The following STAG1 variants were observed in gnomAD, a reference collection of about 807,000 sequenced individuals.
The protein encoded by STAG1 is STAG1 cohesin complex component, also known as cohesin subunit SA-1.
A neutral mutation model predicts 170.9 loss-of-function variants in STAG1; 26 were observed. The observed-to-expected ratio is 0.15, with a 90% confidence interval of 0.11 to 0.21. The LOEUF (loss-of-function observed/expected upper bound fraction) is 0.21, where lower values mean the gene tolerates loss of function less well. STAG1 is among the 10% of genes least tolerant of loss of function. STAG1 has a pLI of 1.00. For missense variants in STAG1, 964 were observed against 1,509.5 expected (o/e 0.64, Z 5.99); for synonymous variants, 514 against 497.7 (o/e 1.03, Z -0.44).
chr3:136,739,956 G>C (rs1202254154), intron 1 of STAG1, among the ~76,000 whole-genome samples: 1 of 152,114 alleles, frequency 6.6e-6, no homozygotes, highest in Non-Finnish European at 1.5e-5. Flanking sequence ...CAACGGGATA[G>C]ATACAGAGGA....
At chr3:136,611,154 T>A (rs1939255006) in intron 3 of STAG1, among the ~76,000 whole-genome samples, 2 of 151,942 alleles carry the variant, frequency 1.3e-5, no homozygotes, top group South Asian at 4.2e-4. Context: ...TTTTACATAA[T>A]TTTTTTTTCT....
At chr3:136,609,370 AATAT>A (rs1218040557) in intron 3 of STAG1, 1 of 146,478 alleles carries the variant, frequency 6.8e-6, no homozygotes, top group South Asian at 2.1e-4. Flanking sequence ...TTTGTATATA[AATAT>A]ATATTTGTAT....
chr3:136,473,729 T>C (rs2089678661), intron 10 of STAG1, 92 bp from the exon 11 acceptor site: 8 of 854,694 alleles, frequency 9.4e-6, no homozygotes, highest in Non-Finnish European at 1.5e-5. Flanking sequence ...AGCTTAAACA[T>C]TTGACTTACT....
chr3:136,360,258 T>C (rs967981999), intron 26 of STAG1, among the ~76,000 whole-genome samples: 2 of 152,218 alleles, frequency 1.3e-5, no homozygotes, highest in Non-Finnish European at 2.9e-5. Flanking sequence ...CCCTCCTATG[T>C]ATTAGATAAG....
intron 1 of STAG1, among the ~76,000 whole-genome samples, chr3:136,719,539 G>T (rs1933083743): frequency 6.6e-6 from 1 of 150,710 alleles, no homozygotes; most frequent in South Asian, 2.1e-4. Context: ...AGGAAAAACA[G>T]AAAAGCAAGG....
chr3:136,631,497 G>T (rs1057324683), intron 1 of STAG1, among the ~76,000 whole-genome samples: 1 of 152,122 alleles, frequency 6.6e-6, no homozygotes, highest in Non-Finnish European at 1.5e-5. Flanking sequence ...AAAACAGCAG[G>T]AGTCCAAAAA....
At chr3:136,628,861 A>C (rs978546914) in intron 2 of STAG1, among the ~76,000 whole-genome samples, 10 of 152,250 alleles carry the variant, frequency 6.6e-5, no homozygotes, top group Admixed American at 5.2e-4. Context: ...AGTAAACAGC[A>C]CTAAGGTGAC....
chr3:136,463,903 A>G (rs1479807666), intron 13 of STAG1, among the ~76,000 whole-genome samples: 2 of 147,630 alleles, frequency 1.4e-5, no homozygotes, highest in Non-Finnish European at 3.0e-5. Flanking sequence ...ATACATATAT[A>G]CTTACATATA....
intron 1 of STAG1, among the ~76,000 whole-genome samples, chr3:136,701,982 A>G (rs971132088): frequency 1.1e-4 from 16 of 151,314 alleles, no homozygotes; most frequent in South Asian, 2.1e-4. Context: ...TTTTGAGGTA[A>G]GCTCACAGCA....
intron 25 of STAG1, among the ~76,000 whole-genome samples, chr3:136,364,198 T>C (rs1250684599): frequency 6.6e-6 from 1 of 152,138 alleles, no homozygotes; most frequent in Non-Finnish European, 1.5e-5. Context: ...TTCTCCCACC[T>C]CAGCCTCCCA....
At chr3:136,705,374 ATCAAACAC>A (rs1943198851) in intron 1 of STAG1, among the ~76,000 whole-genome samples, 1 of 119,574 alleles carries the variant, frequency 8.4e-6, no homozygotes, top group South Asian at 2.7e-4. Flanking sequence ...TCACATGATC[ATCAAACAC>A]ACACACACAC....
At chr3:136,702,115 G>GACAGAGAGAC (rs576739895) in intron 1 of STAG1, among the ~76,000 whole-genome samples, 11 of 66,402 alleles carry the variant, frequency 1.7e-4, no homozygotes, top group Non-Finnish European at 3.3e-4. Context: ...GAGAGAGAGA[G>GACAGAGAGAC]AGAGAGACAG....
In STAG1 at chr3:136,486,879, A is replaced by G. The variant is rs778101310; in HGVS notation, c.903-9467T>C. Among the ~76,000 whole-genome samples, 3 of 151,894 alleles carry G rather than the reference A, an allele frequency of 2.0e-5. No individual in the cohort carries two copies. The South Asian group carries it at 6.3e-4, about 32-fold the overall frequency. ...CCTGTTCAAAACATTTTTTACACCC[A>G]TATCTACATCTATGCCTAATTTCTA... On this transcript the variant is annotated intron_variant, in intron 9 of 33. Transcript: ENST00000383202.
chr3:136,360,550 T>C (rs1252126686), intron 26 of STAG1, among the ~76,000 whole-genome samples: 2 of 152,224 alleles, frequency 1.3e-5, no homozygotes, highest in Admixed American at 6.5e-5. Context: ...TCCTGGGTGC[T>C]AATATGTTCT....
chr3:136,477,014 T>C (rs928213332), intron 10 of STAG1, among the ~76,000 whole-genome samples: 1 of 152,182 alleles, frequency 6.6e-6, no homozygotes, highest in Non-Finnish European at 1.5e-5. Context: ...AGAAAAAGAA[T>C]ATAATGATTT....
At chr3:136,723,848 C>G in intron 1 of STAG1, among the ~76,000 whole-genome samples, 1 of 143,712 alleles carries the variant, frequency 7.0e-6, no homozygotes, top group South Asian at 2.2e-4. Flanking sequence ...GTCAGCCCCC[C>G]GCCCGGCCAG....
chr3:136,408,528 C>A (rs746329590), intron 21 of STAG1, among the ~76,000 whole-genome samples: 2 of 151,800 alleles, frequency 1.3e-5, no homozygotes, highest in Non-Finnish European at 2.9e-5. Flanking sequence ...ACCACAATTA[C>A]TTTTGCACCA....
intron 7 of STAG1, 113 bp from the exon 8 acceptor site, chr3:136,502,892 C>A: frequency 1.3e-6 from 1 of 780,188 alleles, no homozygotes; most frequent in South Asian, 3.9e-5. Flanking sequence ...TTCTGTTTTA[C>A]AACCCAGGCA....
intron 12 of STAG1, among the ~76,000 whole-genome samples, chr3:136,467,152 A>G (rs549985732): frequency 6.6e-6 from 1 of 152,356 alleles, no homozygotes; most frequent in African/African-American, 2.4e-5. Flanking sequence ...AAATTCAAAC[A>G]TAACAATATT....
Sources: allele counts gnomAD v4.1 joint callset (sites outside exome capture counted in the v4.1 genomes callset), GRCh38; gene constraint gnomAD v4.1.1; transcripts MANE v1.5; gene names NCBI Gene and HGNC (gene_info 2026-07-23, HGNC 2026-07-21).